Variants in THSD7A observed in about 807,000 individuals in gnomAD.
THSD7A encodes the protein thrombospondin type 1 domain containing 7A, also known as thrombospondin type-1 domain-containing protein 7A.
Under a neutral mutation model 231.3 loss-of-function variants are expected in THSD7A, and 96 were observed. The observed-to-expected ratio is 0.41, with a 90% CI of 0.35 to 0.49. THSD7A has a LOEUF of 0.49. Among genes scored for constraint, THSD7A ranks in the 20% least tolerant of loss-of-function variants. The pLI, the probability that THSD7A is intolerant of heterozygous loss-of-function variation, is 0.05. For missense variants in THSD7A, 2,290 were observed against 2,070.2 expected, an observed-to-expected ratio of 1.11 and a Z score of -2.06; for synonymous variants, 940 against 743.3, an observed-to-expected ratio of 1.26 and a Z score of -4.30.
chr7:11,782,356 C>G (rs1487543734), intron 1 of THSD7A, among the ~76,000 whole-genome samples: 2 of 151,984 alleles, frequency 1.3e-5, no homozygotes, highest in South Asian at 2.1e-4. Flanking sequence ...CGAGATGGGC[C>G]TATGATGTCG....
chr7:11,478,644 T>C (rs1467526960), intron 7 of THSD7A, among the ~76,000 whole-genome samples: 1 of 152,112 alleles, frequency 6.6e-6, no homozygotes, highest in African/African-American at 2.4e-5. Flanking sequence ...AGAAAAGAAG[T>C]GCAGTATGAG....
At chr7:11,453,334 T>G (rs1012924324) in intron 11 of THSD7A, among the ~76,000 whole-genome samples, 2 of 152,012 alleles carry the variant, frequency 1.3e-5, no homozygotes, top group South Asian at 4.1e-4. Flanking sequence ...ACCTTTTTTT[T>G]TTTTTAAGGA....
At chr7:11,538,484 A>T (rs575492241) in intron 6 of THSD7A, among the ~76,000 whole-genome samples, 9 of 152,314 alleles carry the variant, frequency 5.9e-5, no homozygotes, top group African/African-American at 2.2e-4. Flanking sequence ...TTTAGGAAAC[A>T]AAATACACTT....
intron 11 of THSD7A, among the ~76,000 whole-genome samples, chr7:11,454,178 A>G (rs1225014243): frequency 6.6e-6 from 1 of 152,006 alleles, no homozygotes; most frequent in Non-Finnish European, 1.5e-5. Context: ...GAAGATGCCT[A>G]TTTCAAAGAT....
chr7:11,426,796 T>G (rs1337957573), intron 14 of THSD7A, 125 bp from the exon 15 acceptor site: 6 of 972,692 alleles, frequency 6.2e-6, no homozygotes, highest in Non-Finnish European at 8.8e-6. Context: ...AAAACCTACT[T>G]TTTTGGTAAA....
At position 11,469,882 on chromosome 7, in the gene THSD7A, C is replaced by T. The variant is rs1785863662; in HGVS notation, c.2365G>A (p.Glu789Lys). ...DWTSCPSSCK[E>K]GDSSIRKQSR... is the part of the protein sequence containing the mutation. ...TTCCTAACTCTGCAGACCATACCTT[C>T]TTTACACGAAGAGGGGCATGATGTC... Residue 789 changes from glutamate to lysine, a missense_variant, in exon 9 of 28, where the codon GAA (glutamate) becomes AAA (lysine). Physicochemically the swap from Glu to Lys is moderately conservative, Grantham distance 56 (BLOSUM62 1). Transcript: ENST00000423059. The T allele has an allele frequency of 6.3e-7, 1 of 1,586,340 alleles. No homozygotes were observed. The highest frequency in any genetic ancestry group is 8.6e-7 in the Non-Finnish European group (1 of 1,162,882).
intron 6 of THSD7A, among the ~76,000 whole-genome samples, chr7:11,502,369 T>G (rs1044262926): frequency 1.8e-4 from 28 of 152,084 alleles, no homozygotes; most frequent in African/African-American, 6.8e-4. Flanking sequence ...TTGATGAACA[T>G]CGATGCAACT....
At chr7:11,600,503 T>C (rs1330387084) in intron 2 of THSD7A, among the ~76,000 whole-genome samples, 1 of 152,208 alleles carries the variant, frequency 6.6e-6, no homozygotes, top group African/African-American at 2.4e-5. Context: ...TTATAATGCC[T>C]ACATATGAAG....
At chr7:11,718,303 C>G (rs1306471996) in intron 1 of THSD7A, among the ~76,000 whole-genome samples, 1 of 151,488 alleles carries the variant, frequency 6.6e-6, no homozygotes, top group Non-Finnish European at 1.5e-5. Flanking sequence ...ATTTTGTTCC[C>G]CCACCCAAAT....
chr7:11,577,130 C>A (rs558297355), intron 4 of THSD7A, among the ~76,000 whole-genome samples: 1 of 152,076 alleles, frequency 6.6e-6, no homozygotes, highest in Non-Finnish European at 1.5e-5. Flanking sequence ...TTTCTTACCC[C>A]CTTGTTATAG....
Position 11,769,654 on chromosome 7 carries a change from T to C in THSD7A, c.190+62103A>G, listed in dbSNP as rs548878600. Among the ~76,000 whole-genome samples the C allele has an allele frequency of 7.2e-5, 11 of 152,306 alleles. No homozygotes were observed. In the East Asian group the frequency reaches 1.7e-3, roughly 24 times the overall value. Reference sequence around the variant, plus strand: ...CCCCATGTAATTTTGTCTCACCTGATTTATTAATGTTGGCTAATAGTTCCT... The same window carrying C: ...CCCCATGTAATTTTGTCTCACCTGACTTATTAATGTTGGCTAATAGTTCCT... On this transcript the variant is annotated intron_variant, in intron 1 of 27. Coordinates refer to ENST00000423059, the MANE Select transcript of THSD7A (RefSeq NM_015204.3).
intron 6 of THSD7A, among the ~76,000 whole-genome samples, chr7:11,497,593 T>C (rs957774081): frequency 6.6e-6 from 1 of 152,192 alleles, no homozygotes; most frequent in Non-Finnish European, 1.5e-5. Flanking sequence ...GTACTCTCAA[T>C]AATCTTTAAT....
intron 2 of THSD7A, among the ~76,000 whole-genome samples, chr7:11,602,496 T>G (rs2128345009): frequency 6.6e-6 from 1 of 152,246 alleles, no homozygotes; most frequent in East Asian, 1.9e-4. Context: ...AGTAGGTTAC[T>G]ATGGTGAATT....
chr7:11,438,768 T>C (rs930379038), intron 13 of THSD7A, among the ~76,000 whole-genome samples: 1 of 151,994 alleles, frequency 6.6e-6, no homozygotes, highest in Non-Finnish European at 1.5e-5. Context: ...CTGGTAATTT[T>C]AGAGCCATTG....
intron 16 of THSD7A, among the ~76,000 whole-genome samples, chr7:11,419,845 C>T (rs1411184867): frequency 6.6e-6 from 1 of 152,120 alleles, no homozygotes; most frequent in Non-Finnish European, 1.5e-5. Flanking sequence ...TGGAGTAAAG[C>T]CCACTTTTGC....
intron 1 of THSD7A, among the ~76,000 whole-genome samples, chr7:11,655,024 T>C (rs1015179628): frequency 4.6e-5 from 7 of 151,782 alleles, no homozygotes; most frequent in Admixed American, 1.3e-4. Context: ...CTTCCAACCA[T>C]CAGAAGTTAA....
At chr7:11,479,559 T>G (rs887268523) in intron 7 of THSD7A, among the ~76,000 whole-genome samples, 2 of 152,220 alleles carry the variant, frequency 1.3e-5, no homozygotes, top group Non-Finnish European at 2.9e-5. Context: ...AAGGATTATC[T>G]AAGTGGCAGA....
At chr7:11,438,577 C>A (rs1784704847) in intron 13 of THSD7A, among the ~76,000 whole-genome samples, 1 of 151,984 alleles carries the variant, frequency 6.6e-6, no homozygotes, top group Non-Finnish European at 1.5e-5. Flanking sequence ...CAATACAAAT[C>A]ACTATATTTA....
Position 11,446,170 on chromosome 7 carries a change from C to A in THSD7A, c.2955G>T (p.Met985Ile), listed in dbSNP as rs374522176. Residue 985 changes from methionine (M) to isoleucine (I), a missense_variant, in exon 13 of 28, where the codon ATG becomes ATT. Met to Ile is a conservative substitution (Grantham distance 10, BLOSUM62 1). Transcript: ENST00000423059. The surrounding 1 kb of genome is among the most constrained non-coding windows in gnomAD (Gnocchi z 4.0). ...ATTCCTTGATGTCTCCTTGTACTTT[C>A]ATTCCCAGCAACACTTCCACTTTTC... The part of the protein sequence containing the change: ...PEGKVEVLLG[M>I]KVQGDIKECG... 2 of 1,613,400 alleles carry A rather than the reference C, an allele frequency of 1.2e-6. No homozygotes were observed. Among genetic ancestry groups the A allele is most frequent in the Non-Finnish European group, 1.7e-6 (2 of 1,179,636 alleles).
Sources: allele counts gnomAD v4.1 joint callset (sites outside exome capture counted in the v4.1 genomes callset), GRCh38; gene constraint gnomAD v4.1.1; non-coding constraint Gnocchi (gnomAD v3.1); transcripts MANE v1.5; gene names NCBI Gene and HGNC (gene_info 2026-07-23, HGNC 2026-07-21).